FBH1: variants seen among roughly 807,000 people sequenced by gnomAD.
FBH1 encodes DNA 3'-5' helicase 1.
A neutral mutation model predicts 115.5 loss-of-function variants in FBH1; 43 were observed. That is an observed-to-expected ratio of 0.37 (90% CI 0.29 to 0.48). The LOEUF is 0.48. FBH1 is among the 20% of genes least tolerant of loss of function. The pLI is 0.99. For synonymous variants in FBH1, 524 were observed against 507.8 expected (o/e 1.03, Z -0.43); for missense variants, 1,001 against 1,337.3 (o/e 0.75, Z 3.92).
rs751089693 is a variant in FBH1 at position 5,903,108 on chromosome 10, A to C, written c.90A>C (p.Gln30His). 6 of 1,613,856 alleles carry C rather than the reference A, an allele frequency of 3.7e-6. No individual in the cohort carries two copies. In the East Asian group the frequency reaches 1.3e-4, roughly 36 times the overall value. Residue 30 changes from glutamine (Q) to histidine (H), a missense_variant, in exon 2 of 21, where the codon CAA (glutamine) becomes CAC (histidine). Physicochemically the swap from Gln to His is conservative, Grantham distance 24. Coordinates refer to ENST00000362091, the MANE Select transcript of FBH1 (RefSeq NM_178150.3). The part of the protein sequence containing the change: ...SHLAVTQPFG[Q>H]RWTNRDPNHG... The stretch of plus-strand genomic sequence containing the variant: ...TGGCTGTGACCCAGCCCTTCGGTCA[A>C]AGATGGACAAACAGAGATCCGAACC...
intron 19 of FBH1, among the ~76,000 whole-genome samples, chr10:5,928,880 G>C (rs1426112235): frequency 1.3e-5 from 2 of 152,132 alleles, no homozygotes; most frequent in African/African-American, 4.8e-5. Flanking sequence ...TTCTTGCTTA[G>C]CTGTCTCCAG....
intron 1 of FBH1, among the ~76,000 whole-genome samples, chr10:5,896,978 T>C (rs1274302092): frequency 6.6e-6 from 1 of 152,194 alleles, no homozygotes; most frequent in East Asian, 1.9e-4. Flanking sequence ...TTTAAAAAGG[T>C]ATATTAATAA....
At position 5,913,880 on chromosome 10, in the gene FBH1, C is replaced by T. The variant is rs554661902; in HGVS notation, c.1304+41C>T. The stretch of plus-strand genomic sequence containing the variant: ...CGTCAGCGTGTGTTTTGTCTTCTGT[C>T]GACTCTTCCTCATACTTAAGGAGGG... On this transcript the variant is annotated intron_variant, in intron 7 of 20. Coordinates refer to ENST00000362091, the MANE Select transcript of FBH1 (RefSeq NM_178150.3). This position sits in a 1 kb window ranked among gnomAD's most constrained non-coding sequence, Gnocchi z 4.4. 3.5e-5 allele frequency: 50 copies of T among 1,439,066 alleles called. 1 individual carries two copies. The South Asian group carries it at 4.9e-4, about 14-fold the overall frequency. 89.1% of individuals were successfully genotyped at this position (1,439,066 alleles called of 1,614,324 possible).
intron 9 of FBH1, chr10:5,916,015 C>T (rs1831909223): frequency 8.9e-6 from 5 of 562,198 alleles, no homozygotes; most frequent in South Asian, 4.2e-5. Context: ...CAGTGTCTGC[C>T]GAAAGCTGGT....
chr10:5,928,501 G>A (rs575085477), intron 19 of FBH1: 1 of 152,284 alleles, frequency 6.6e-6, no homozygotes, highest in African/African-American at 2.4e-5. Flanking sequence ...TGTGCACCCA[G>A]CCTTCCTCCC....
In FBH1 at chr10:5,917,479, A is replaced by G. The variant is rs146552020; in HGVS notation, c.1848A>G (p.Thr616=). Residue 616 remains threonine, a synonymous_variant, in exon 11 of 21, where the codon ACA becomes ACG. Transcript: ENST00000362091. The surrounding 1 kb of genome is among the most constrained non-coding windows in gnomAD (Gnocchi z 5.6). ...ACATGCGGAAGCTGGGGGAGTGCAC[A>G]GAAGAGGCGCACCAGATGACTCATG... ...WDNMRKLGEC[T]EEAHQMTHDG... is the part of the protein sequence containing the mutation. 2.1e-5 allele frequency: 34 copies of G among 1,614,118 alleles called. No individual in the cohort carries two copies. The highest frequency in any genetic ancestry group is 2.8e-5 in the Non-Finnish European group (33 of 1,180,038).
Position 5,913,904 on chromosome 10 carries a change from G to A in FBH1, c.1304+65G>A, listed in dbSNP as rs537020980. 3 of 1,298,124 alleles carry A rather than the reference G, an allele frequency of 2.3e-6. No homozygotes were observed. Among genetic ancestry groups the A allele is most frequent in the African/African-American group, 1.5e-5 (1 of 66,882 alleles). The allele number at this position is 1,298,124 out of a possible 1,614,324, so 80.4% of individuals were successfully genotyped here. ...TCGACTCTTCCTCATACTTAAGGAG[G>A]GAGATGTTTTGCTTCACTTTAGCAA... On this transcript the variant is annotated intron_variant, in intron 7 of 20. Transcript: ENST00000362091. The surrounding 1 kb of genome is among the most constrained non-coding windows in gnomAD (Gnocchi z 4.4).
At chr10:5,920,815 G>C (rs1442678709) in intron 13 of FBH1, among the ~76,000 whole-genome samples, 1 of 152,202 alleles carries the variant, frequency 6.6e-6, no homozygotes, top group Admixed American at 6.5e-5. Flanking sequence ...AGTGACTTTG[G>C]TGGATGAAAG....
chr10:5,908,562 A>G (rs894678366), intron 3 of FBH1, among the ~76,000 whole-genome samples: 1 of 151,884 alleles, frequency 6.6e-6, no homozygotes, highest in Non-Finnish European at 1.5e-5. Flanking sequence ...TTCACTGGTA[A>G]AAGGTTATCT....
Position 5,915,718 on chromosome 10 carries a change from C to A in FBH1, c.1565+147C>A. 1 of 687,914 alleles carries A rather than the reference C, an allele frequency of 1.5e-6. No homozygotes were observed. The highest frequency in any genetic ancestry group is 2.4e-6 in the Non-Finnish European group (1 of 411,930). 42.6% of individuals were successfully genotyped at this position (687,914 alleles called of 1,614,324 possible). A position where few individuals can be genotyped will look rare whatever the true frequency, so the allele number is the denominator to read the frequency against. ...TCCACTTACAGGCAGGAAACAAATACATAGGTTTAGCCATTTGTACTTTTA... is the reference window on the plus strand; with the variant it reads ...TCCACTTACAGGCAGGAAACAAATAAATAGGTTTAGCCATTTGTACTTTTA... On this transcript the variant is annotated intron_variant, in intron 9 of 20. Transcript: ENST00000362091. The surrounding 1 kb of genome is among the most constrained non-coding windows in gnomAD (Gnocchi z 5.2).
At chr10:5,890,837 G>A (rs1360885128) in intron 1 of FBH1, among the ~76,000 whole-genome samples, 1 of 152,190 alleles carries the variant, frequency 6.6e-6, no homozygotes, top group East Asian at 1.9e-4. Flanking sequence ...TGGAGGGCAC[G>A]GCGAGAGCTG....
Position 5,933,635 on chromosome 10 carries a change from C to G in FBH1, c.2830-2821C>G, listed in dbSNP as rs1357332400. On this transcript the variant is annotated intron_variant, in intron 19 of 20. Transcript: ENST00000362091. The surrounding 1 kb of genome is among the most constrained non-coding windows in gnomAD (Gnocchi z 4.9). The stretch of plus-strand genomic sequence containing the variant: ...TAAGACCTTGTTAGAAGTGGAGGCA[C>G]TCTGCTGTTTTTTTTTTTTTTTTAA... Among the ~76,000 whole-genome samples, 4 of 149,492 alleles carry G rather than the reference C, an allele frequency of 2.7e-5. No homozygotes were observed. The highest frequency in any genetic ancestry group is 5.9e-5 in the Non-Finnish European group (4 of 67,860).
intron 1 of FBH1, chr10:5,894,949 GT>G: frequency 7.1e-7 from 1 of 1,404,432 alleles, no homozygotes; most frequent in Non-Finnish European, 9.7e-7. Context: ...GTACAGGGCG[GT>G]TTTATTCCTG....
Position 5,916,129 on chromosome 10 carries a change from G to A in FBH1, c.1566-105G>A. 2 of 961,028 alleles carry A rather than the reference G, an allele frequency of 2.1e-6. 1 individual carries two copies. Among genetic ancestry groups the A allele is most frequent in the Admixed American group, 4.2e-5 (2 of 48,166 alleles). The allele number at this position is 961,028 out of a possible 1,614,324, so 59.5% of individuals were successfully genotyped here. The stretch of plus-strand genomic sequence containing the variant: ...AAAACATTAACACTCGCCTGTGTGT[G>A]GCACTTGAAGCTACCTCCTGGTGAC... On this transcript the variant is annotated intron_variant, in intron 9 of 20. Transcript: ENST00000362091.
chr10:5,916,345 T>C lies in FBH1; in HGVS notation c.1677T>C (p.Thr559=). Residue 559 remains threonine, a synonymous_variant, in exon 10 of 21, where the codon ACT becomes ACC. Coordinates refer to ENST00000362091, the MANE Select transcript of FBH1 (RefSeq NM_178150.3). ...TAAGAGCCAAGCTTGTGTGTAAGAC[T>C]CTAGAAAACTTCTTTGCCTCGGCTG... is the stretch of plus-strand genomic sequence containing the variant. ...GFIRAKLVCK[T]LENFFASADE... The C allele has an allele frequency of 6.2e-7, 1 of 1,614,246 alleles. No individual in the cohort carries two copies.
In FBH1 at chr10:5,913,895, C is replaced by A; in HGVS notation, c.1304+56C>A. On this transcript the variant is annotated intron_variant, in intron 7 of 20. Transcript: ENST00000362091. The surrounding 1 kb of genome is among the most constrained non-coding windows in gnomAD (Gnocchi z 4.4). ...TGTCTTCTGTCGACTCTTCCTCATA[C>A]TTAAGGAGGGAGATGTTTTGCTTCA... 7.6e-7 allele frequency: 1 copy of A among 1,310,788 alleles called. No individual in the cohort carries two copies. The highest frequency in any genetic ancestry group is 1.5e-5 in the African/African-American group (1 of 67,480). The allele number at this position is 1,310,788 out of a possible 1,614,324, so 81.2% of individuals were successfully genotyped here.
Position 5,914,122 on chromosome 10 carries a change from C to A in FBH1, c.1305-56C>A. 6.5e-7 allele frequency: 1 copy of A among 1,548,116 alleles called. No individual in the cohort carries two copies. Among genetic ancestry groups the A allele is most frequent in the South Asian group, 1.1e-5 (1 of 89,590 alleles). On this transcript the variant is annotated intron_variant, in intron 7 of 20. Coordinates refer to ENST00000362091, the MANE Select transcript of FBH1 (RefSeq NM_178150.3). The surrounding 1 kb of genome is among the most constrained non-coding windows in gnomAD (Gnocchi z 5.2). ...ATGTTTGGTTTTTGGACTGTCTATCCCCTGGACTTTTCACGTCTTTCTGTT... is the reference window on the plus strand; with the variant it reads ...ATGTTTGGTTTTTGGACTGTCTATCACCTGGACTTTTCACGTCTTTCTGTT...
intron 18 of FBH1, among the ~76,000 whole-genome samples, chr10:5,926,673 A>T (rs1161828896): frequency 6.6e-6 from 1 of 152,216 alleles, no homozygotes; most frequent in African/African-American, 2.4e-5. Flanking sequence ...GAAGGGAGGC[A>T]GCCATGGAGA....
chr10:5,919,952 C>T (rs139049096), intron 13 of FBH1, among the ~76,000 whole-genome samples: 53 of 152,306 alleles, frequency 3.5e-4, no homozygotes, highest in African/African-American at 1.1e-3. Flanking sequence ...ACACTTGTCA[C>T]GATAATGAAC....
Sources: gnomAD v4.1 joint callset for allele counts (sites outside exome capture counted in the v4.1 genomes callset) on GRCh38, gnomAD v4.1.1 for gene constraint, Gnocchi (gnomAD v3.1) non-coding constraint, MANE v1.5 for transcripts, NCBI Gene and HGNC (gene_info 2026-07-23, HGNC 2026-07-21) for gene names.